The following DSCAM variants were observed in gnomAD, a reference collection of about 807,000 sequenced individuals.
The protein encoded by DSCAM is cell adhesion molecule DSCAM.
A neutral mutation model predicts 217.7 loss-of-function variants in DSCAM; 47 were observed. The ratio of observed to expected loss-of-function variants is 0.22; its 90% CI spans 0.17 to 0.28. The LOEUF is 0.28. DSCAM is among the 10% of genes least tolerant of loss of function. The probability of loss-of-function intolerance (pLI) is 1.00; values close to 1 mark genes in which losing one functional copy is unlikely to be tolerated. For synonymous variants in DSCAM, 1,056 were observed against 1,015.3 expected, an observed-to-expected ratio of 1.04 and a Z score of -0.76; for missense variants, 2,080 against 2,618.3, an observed-to-expected ratio of 0.79 and a Z score of 4.49.
chr21:40,192,798 G>T (rs2090966081), intron 11 of DSCAM, among the ~76,000 whole-genome samples: 1 of 152,020 alleles, frequency 6.6e-6, no homozygotes, highest in Non-Finnish European at 1.5e-5. Flanking sequence ...CGGATATACT[G>T]CATTTTTTTA....
At chr21:40,142,896 C>A (rs2146714355) in intron 17 of DSCAM, among the ~76,000 whole-genome samples, 192 bp from the exon 18 acceptor site, 1 of 152,320 alleles carries the variant, frequency 6.6e-6, no homozygotes, top group East Asian at 1.9e-4. Context: ...AGTAAAATAT[C>A]ATGAGTCAAT....
At chr21:40,224,591 C>T (rs954296279) in intron 11 of DSCAM, among the ~76,000 whole-genome samples, 11 of 152,078 alleles carry the variant, frequency 7.2e-5, no homozygotes, top group Admixed American at 3.9e-4. Context: ...TTATCAATAA[C>T]GTTGCAAAAA....
rs151156036 is a variant in DSCAM at position 40,825,930 on chromosome 21, G to C, written c.43+20689C>G. On this transcript the variant is annotated intron_variant, in intron 1 of 32. Coordinates refer to ENST00000400454, the MANE Select transcript of DSCAM (RefSeq NM_001389.5). ...GACAGCAATGACATCCAGTCCCTAA[G>C]AGCTATACATTGCTTTAAACAACAT... Among the ~76,000 whole-genome samples the C allele has an allele frequency of 4.2e-3, 632 of 152,260 alleles. 2 individuals carry two copies. Among genetic ancestry groups the C allele is most frequent in the South Asian group, 6.4e-3 (31 of 4,830 alleles).
intron 8 of DSCAM, among the ~76,000 whole-genome samples, chr21:40,314,134 T>A (rs1416541052): frequency 6.6e-6 from 1 of 152,152 alleles, no homozygotes; most frequent in African/African-American, 2.4e-5. Context: ...CAGTGGAGCT[T>A]CCATATATAG....
intron 3 of DSCAM, among the ~76,000 whole-genome samples, chr21:40,480,844 CTAAA>C (rs2075976080): frequency 6.6e-6 from 1 of 152,104 alleles, no homozygotes; most frequent in African/African-American, 2.4e-5. Flanking sequence ...AAAAGGCACT[CTAAA>C]TATCAATATT....
At chr21:40,835,053 C>G (rs2092046057) in intron 1 of DSCAM, among the ~76,000 whole-genome samples, 6 of 152,288 alleles carry the variant, frequency 3.9e-5, no homozygotes, top group South Asian at 4.1e-4. Flanking sequence ...GAAAAATACT[C>G]AACACTTATT....
chr21:40,597,612 T>C (rs1339286248), intron 3 of DSCAM, among the ~76,000 whole-genome samples: 2 of 151,378 alleles, frequency 1.3e-5, no homozygotes, highest in Non-Finnish European at 2.9e-5. Context: ...GTTCTAGCTA[T>C]TCTTCCCCCT....
intron 29 of DSCAM, among the ~76,000 whole-genome samples, chr21:40,054,573 G>C (rs953978786): frequency 2.6e-5 from 4 of 152,202 alleles, no homozygotes; most frequent in African/African-American, 9.7e-5. Flanking sequence ...CACAAGAAAG[G>C]GTTGTCCTGG....
intron 3 of DSCAM, among the ~76,000 whole-genome samples, chr21:40,488,150 A>AG (rs1424743403): frequency 2.0e-5 from 3 of 152,334 alleles, no homozygotes; most frequent in Non-Finnish European, 2.9e-5. Flanking sequence ...ATTCTCAATG[A>AG]ACTTACCAAC....
intron 1 of DSCAM, among the ~76,000 whole-genome samples, chr21:40,783,310 TG>T (rs2091564619): frequency 6.6e-6 from 1 of 152,166 alleles, no homozygotes; most frequent in African/African-American, 2.4e-5. Flanking sequence ...CACCGGCACA[TG>T]GGATTGCAGC....
intron 3 of DSCAM, among the ~76,000 whole-genome samples, chr21:40,427,346 C>T (rs1355940646): frequency 6.6e-6 from 1 of 152,204 alleles, no homozygotes; most frequent in South Asian, 2.1e-4. Context: ...TGTGTCCCAG[C>T]TGACCATGGC....
chr21:40,756,008 G>A (rs1983942674), intron 1 of DSCAM, among the ~76,000 whole-genome samples: 1 of 152,216 alleles, frequency 6.6e-6, no homozygotes, highest in African/African-American at 2.4e-5. Flanking sequence ...CTTTATGCAT[G>A]TCACTGTATG....
At chr21:40,820,757 C>T (rs2091918401) in intron 1 of DSCAM, among the ~76,000 whole-genome samples, 1 of 152,060 alleles carries the variant, frequency 6.6e-6, no homozygotes, top group Non-Finnish European at 1.5e-5. Context: ...GGATAAATCA[C>T]CCAGTGTGGC....
chr21:40,190,664 C>T (rs73904727), intron 11 of DSCAM, among the ~76,000 whole-genome samples: 16 of 152,002 alleles, frequency 1.1e-4, no homozygotes, highest in Admixed American at 6.6e-4. Flanking sequence ...TGAAGGTGAC[C>T]GTAATTTGAT....
Position 40,244,792 on chromosome 21 carries a change from C to T in DSCAM, c.2356+31305G>A, listed in dbSNP as rs1005509146. Among the ~76,000 whole-genome samples, 4 of 152,142 alleles carry T rather than the reference C, an allele frequency of 2.6e-5. 1 individual carries two copies. Among genetic ancestry groups the T allele is most frequent in the Non-Finnish European group, 5.9e-5 (4 of 68,038 alleles). On this transcript the variant is annotated intron_variant, in intron 11 of 32. Transcript: ENST00000400454. Reference sequence around the variant, plus strand: ...TGCAGTTTGTAACAGACCTCATTTTCCTCCAGAAGCCAGGGGGTGGGATGG... The same window carrying T: ...TGCAGTTTGTAACAGACCTCATTTTTCTCCAGAAGCCAGGGGGTGGGATGG...
At chr21:40,204,454 A>G (rs2091102888) in intron 11 of DSCAM, among the ~76,000 whole-genome samples, 2 of 152,236 alleles carry the variant, frequency 1.3e-5, no homozygotes, top group African/African-American at 2.4e-5. Flanking sequence ...TATGTTTATT[A>G]GAAAATAAAT....
At chr21:40,066,474 A>G (rs1464853692) in intron 27 of DSCAM, among the ~76,000 whole-genome samples, 2 of 152,144 alleles carry the variant, frequency 1.3e-5, no homozygotes, top group African/African-American at 4.8e-5. Flanking sequence ...CTACTTGGGA[A>G]TCTCTTCTTT....
At chr21:40,180,860 T>G (rs999673564) in intron 14 of DSCAM, among the ~76,000 whole-genome samples, 1 of 151,058 alleles carries the variant, frequency 6.6e-6, no homozygotes, top group Non-Finnish European at 1.5e-5. Context: ...TGGACCTGGG[T>G]AGGGTGGGGA....
At chr21:40,767,052 G>A (rs576244034) in intron 1 of DSCAM, among the ~76,000 whole-genome samples, 16 of 152,194 alleles carry the variant, frequency 1.1e-4, no homozygotes, top group Admixed American at 2.0e-4. Context: ...CAGGAAATAC[G>A]TAAGCCTTAT....
Sources: allele counts gnomAD v4.1 joint callset (sites outside exome capture counted in the v4.1 genomes callset), GRCh38; gene constraint gnomAD v4.1.1; transcripts MANE v1.5; gene names NCBI Gene and HGNC (gene_info 2026-07-23, HGNC 2026-07-21).